The following NUP98 variants were observed in gnomAD, a reference collection of about 807,000 sequenced individuals.
NUP98 encodes nucleoporin 98 and 96 precursor.
Under a neutral mutation model 191.9 loss-of-function variants are expected in NUP98, and 26 were observed. The ratio of observed to expected loss-of-function variants is 0.14; its 90% CI spans 0.10 to 0.19. The LOEUF (loss-of-function observed/expected upper bound fraction) is 0.19. Ranked by LOEUF, NUP98 falls within the 10% of genes least tolerant of loss-of-function variation. The probability of loss-of-function intolerance (pLI) is 1.00; values close to 1 mark genes in which losing one functional copy is unlikely to be tolerated. For missense variants in NUP98, 1,941 were observed against 2,178.8 expected (o/e 0.89, Z 2.17); for synonymous variants, 808 against 778.4 (o/e 1.04, Z -0.63).
At chr11:3,722,813 G>A (rs999405799) in intron 16 of NUP98, among the ~76,000 whole-genome samples, 1 of 151,914 alleles carries the variant, frequency 6.6e-6, no homozygotes, top group African/African-American at 2.4e-5. Context: ...ACTGTCTCAA[G>A]AAAAAACAAA....
chr11:3,786,998 T>C (rs2082163704), intron 1 of NUP98, among the ~76,000 whole-genome samples: 1 of 152,214 alleles, frequency 6.6e-6, no homozygotes, highest in Non-Finnish European at 1.5e-5. Context: ...GACTGTATAG[T>C]ACTTCCTACT....
At chr11:3,756,408 C>G (rs554918058) in intron 10 of NUP98, among the ~76,000 whole-genome samples, 3 of 152,194 alleles carry the variant, frequency 2.0e-5, no homozygotes, top group East Asian at 3.9e-4. Flanking sequence ...AAAGATGACA[C>G]CTTTCATTTT....
intron 16 of NUP98, among the ~76,000 whole-genome samples, chr11:3,722,538 C>G (rs1252281057): frequency 2.6e-5 from 4 of 151,816 alleles, no homozygotes. Flanking sequence ...ACAAAACACC[C>G]AAAATGGGCT....
At chr11:3,754,839 G>A (rs2080900174) in intron 10 of NUP98, among the ~76,000 whole-genome samples, 1 of 151,532 alleles carries the variant, frequency 6.6e-6, no homozygotes, top group Admixed American at 6.6e-5. Context: ...CCACTTGGGA[G>A]GCTGAAGCAG....
At position 3,719,556 on chromosome 11, in the gene NUP98, A is replaced by T; in HGVS notation, c.2261-6T>A. 3.2e-6 allele frequency: 5 copies of T among 1,540,470 alleles called. No homozygotes were observed. Among genetic ancestry groups the T allele is most frequent in the Non-Finnish European group, 4.4e-6 (5 of 1,148,266 alleles). On this transcript the variant is annotated splice_polypyrimidine_tract_variant and splice_region_variant and intron_variant, in intron 17 of 32. Coordinates refer to ENST00000324932, the MANE Select transcript of NUP98 (RefSeq NM_016320.5). Reference sequence around the variant, plus strand: ...AAAATAGATTGAACCATAACCTATAAATCAGAGCAAATAGTTAAAAATTCA... The same window carrying T: ...AAAATAGATTGAACCATAACCTATATATCAGAGCAAATAGTTAAAAATTCA...
chr11:3,714,090 G>GT (rs2079102561), intron 18 of NUP98, 95 bp from the exon 19 acceptor site: 1 of 1,198,194 alleles, frequency 8.3e-7, no homozygotes, highest in Non-Finnish European at 1.2e-6. Flanking sequence ...GTGAATAATG[G>GT]TAACTATGCT....
At chr11:3,785,528 G>A (rs1433207673) in intron 1 of NUP98, among the ~76,000 whole-genome samples, 1 of 152,198 alleles carries the variant, frequency 6.6e-6, no homozygotes, top group Non-Finnish European at 1.5e-5. Context: ...GGAGGCCAAG[G>A]TGGGCAGATC....
intron 16 of NUP98, among the ~76,000 whole-genome samples, chr11:3,722,732 G>A (rs941839892): frequency 1.3e-5 from 2 of 152,068 alleles, no homozygotes; most frequent in African/African-American, 4.8e-5. Context: ...GAGAGGTCCT[G>A]ATCCCTGGAG....
At chr11:3,717,523 T>C (rs998280211) in intron 18 of NUP98, among the ~76,000 whole-genome samples, 3 of 152,238 alleles carry the variant, frequency 2.0e-5, no homozygotes, top group Non-Finnish European at 4.4e-5. Flanking sequence ...TTTTTCCATG[T>C]TGATTCTGTA....
At position 3,677,092 on chromosome 11, in the gene NUP98, T is replaced by C. The variant is rs371580018; in HGVS notation, c.5074-472A>G. Among the ~76,000 whole-genome samples the C allele has an allele frequency of 5.3e-5, 8 of 152,176 alleles. No individual in the cohort carries two copies. The East Asian group carries it at 1.5e-3, about 29-fold the overall frequency. Reference sequence around the variant, plus strand: ...GACAGGTTATTTGCTCTCATGAAACTGATAGAAAATAAATAAGAAAACACA... The same window carrying C: ...GACAGGTTATTTGCTCTCATGAAACCGATAGAAAATAAATAAGAAAACACA... On this transcript the variant is annotated intron_variant, in intron 31 of 32. Coordinates refer to ENST00000324932, the MANE Select transcript of NUP98 (RefSeq NM_016320.5).
intron 1 of NUP98, among the ~76,000 whole-genome samples, chr11:3,794,657 C>T (rs2082468999): frequency 6.6e-6 from 1 of 152,172 alleles, no homozygotes; most frequent in Non-Finnish European, 1.5e-5. Context: ...CACGCAGTTT[C>T]CCAGGCTGGA....
At chr11:3,746,050 A>C (rs566790658) in intron 11 of NUP98, among the ~76,000 whole-genome samples, 24 of 152,156 alleles carry the variant, frequency 1.6e-4, no homozygotes, top group African/African-American at 4.3e-4. Flanking sequence ...CGGGTGGATC[A>C]CCTAAAGTTA....
chr11:3,693,185 T>G (rs757331905), intron 27 of NUP98, 47 bp downstream of exon 27: 1 of 1,605,868 alleles, frequency 6.2e-7, no homozygotes, highest in Non-Finnish European at 8.5e-7. Context: ...TTGACAATAC[T>G]TTAACACCCA....
chr11:3,701,394 T>C (rs923968496), intron 23 of NUP98, among the ~76,000 whole-genome samples: 4 of 151,664 alleles, frequency 2.6e-5, no homozygotes, highest in Non-Finnish European at 4.4e-5. Flanking sequence ...CCTGAGTAGC[T>C]GGGATTACAA....
intron 19 of NUP98, among the ~76,000 whole-genome samples, chr11:3,713,604 A>G (rs973580718): frequency 2.6e-5 from 4 of 152,086 alleles, no homozygotes; most frequent in Non-Finnish European, 4.4e-5. Context: ...CTATAATCCC[A>G]GCTACTTGGG....
At chr11:3,713,614 G>C (rs2079085193) in intron 19 of NUP98, among the ~76,000 whole-genome samples, 1 of 152,166 alleles carries the variant, frequency 6.6e-6, no homozygotes, top group Non-Finnish European at 1.5e-5. Flanking sequence ...AGCTACTTGG[G>C]AGGCGGAGGC....
At chr11:3,790,898 A>ATT (rs113941509) in intron 1 of NUP98, among the ~76,000 whole-genome samples, 23,874 of 144,466 alleles carry the variant, frequency 0.17, 2,100 homozygotes, top group East Asian at 0.25. Flanking sequence ...CACCATTTTA[A>ATT]TTTTTTTTTT....
intron 8 of NUP98, among the ~76,000 whole-genome samples, chr11:3,767,107 C>T (rs1400806912): frequency 1.3e-5 from 2 of 151,994 alleles, no homozygotes; most frequent in Non-Finnish European, 2.9e-5. Flanking sequence ...TTGGATTAGT[C>T]ACCCGCCACC....
At chr11:3,776,486 C>CT (rs35086418) in intron 4 of NUP98, among the ~76,000 whole-genome samples, 326 of 133,228 alleles carry the variant, frequency 2.4e-3, no homozygotes, top group South Asian at 0.016. Context: ...ATAGAAATTT[C>CT]TTTTTTTTTT....
Sources: allele counts gnomAD v4.1 joint callset (sites outside exome capture counted in the v4.1 genomes callset), GRCh38; gene constraint gnomAD v4.1.1; transcripts MANE v1.5; gene names NCBI Gene and HGNC (gene_info 2026-07-23, HGNC 2026-07-21).